TACC2: variants seen among roughly 807,000 people sequenced by gnomAD.
The protein encoded by TACC2 is transforming acidic coiled-coil-containing protein 2.
A neutral mutation model predicts 227.3 loss-of-function variants in TACC2; 137 were observed. The observed-to-expected ratio is 0.60, with a 90% CI of 0.52 to 0.69. The LOEUF (loss-of-function observed/expected upper bound fraction) is 0.69. Ranked by LOEUF, TACC2 falls within the 30% of genes least tolerant of loss-of-function variation. The probability of loss-of-function intolerance (pLI) is 0.00; values close to 1 mark genes in which losing one functional copy is unlikely to be tolerated. For synonymous variants in TACC2, 1,523 were observed against 1,487.5 expected (o/e 1.02, Z -0.55); for missense variants, 3,470 against 3,694.4 (o/e 0.94, Z 1.57).
Position 122,082,983 on chromosome 10 carries a change from T to C in TACC2, c.483T>C (p.Ser161=), listed in dbSNP as rs41288000. The part of the protein sequence containing the change: ...AAAFPAERDS[S]TPYQEIAAVP... Reference sequence around the variant, plus strand: ...CATTTCCCGCTGAGAGGGACAGCTCTACTCCATACCAAGAGATTGCTGCCG... The same window carrying C: ...CATTTCCCGCTGAGAGGGACAGCTCCACTCCATACCAAGAGATTGCTGCCG... Residue 161 remains serine, a synonymous_variant, in exon 4 of 23, where the codon TCT becomes TCC. Coordinates refer to ENST00000369005, the MANE Select transcript of TACC2 (RefSeq NM_206862.4). 6.2e-7 allele frequency: 1 copy of C among 1,612,860 alleles called. No individual in the cohort carries two copies. Among genetic ancestry groups the C allele is most frequent in the East Asian group, 2.2e-5 (1 of 44,856 alleles).
chr10:122,148,097 A>ATTTTTT (rs1172285538), intron 7 of TACC2, among the ~76,000 whole-genome samples: 3 of 131,444 alleles, frequency 2.3e-5, no homozygotes, highest in African/African-American at 5.9e-5. Context: ...CTGAGCCAGA[A>ATTTTTT]TTTTTTTTTT....
intron 7 of TACC2, among the ~76,000 whole-genome samples, chr10:122,146,774 C>T (rs2091430055): frequency 6.6e-6 from 1 of 152,126 alleles, no homozygotes; most frequent in South Asian, 2.1e-4. Flanking sequence ...AGTTGATTCA[C>T]GTTTTCTTAG....
chr10:122,047,561 T>G (rs2075168704), intron 2 of TACC2, among the ~76,000 whole-genome samples: 2 of 152,134 alleles, frequency 1.3e-5, no homozygotes, highest in African/African-American at 4.8e-5. Flanking sequence ...TTCTGCCTCC[T>G]TCAACACTGC....
intron 5 of TACC2, among the ~76,000 whole-genome samples, chr10:122,116,062 T>C (rs1173068108): frequency 6.6e-6 from 1 of 152,156 alleles, no homozygotes; most frequent in African/African-American, 2.4e-5. Context: ...ATAACCCCAG[T>C]AATCATGTTC....
At chr10:122,246,058 G>A (rs1440174290) in intron 19 of TACC2, among the ~76,000 whole-genome samples, 4 of 152,128 alleles carry the variant, frequency 2.6e-5, no homozygotes, top group Non-Finnish European at 5.9e-5. Context: ...GCAGAGGCAG[G>A]TGGGAAGGAT....
intron 3 of TACC2, among the ~76,000 whole-genome samples, chr10:122,053,416 A>T (rs1387602012): frequency 6.6e-6 from 1 of 151,868 alleles, no homozygotes; most frequent in Non-Finnish European, 1.5e-5. Flanking sequence ...GGAATTCAAG[A>T]TGAGATTTGG....
At chr10:122,094,298 A>G (rs1365500682) in intron 5 of TACC2, among the ~76,000 whole-genome samples, 1 of 152,042 alleles carries the variant, frequency 6.6e-6, no homozygotes, top group East Asian at 1.9e-4. Flanking sequence ...TATTTTAGAG[A>G]TAAGGTCTTG....
Position 122,083,371 on chromosome 10 carries a change from G to A in TACC2, c.871G>A (p.Gly291Ser), listed in dbSNP as rs1318414946. ...PAPRASDRER[G>S]QGEAPPQYLT... Reference sequence around the variant, plus strand: ...CCCAAGAGCCTCAGACAGAGAAAGAGGCCAAGGGGAGGCGCCGCCTCAGTA... The same window carrying A: ...CCCAAGAGCCTCAGACAGAGAAAGAAGCCAAGGGGAGGCGCCGCCTCAGTA... The change falls in exon 4 of 23, where the codon GGC becomes AGC. Residue 291 changes from glycine to serine, a missense_variant. Around this residue, in one of 10 missense-constraint regions of TACC2, gnomAD observed 405 missense variants for 389.6 expected, o/e 1.04. Coordinates refer to ENST00000369005, the MANE Select transcript of TACC2 (RefSeq NM_206862.4). 3 of 1,613,846 alleles carry A rather than the reference G, an allele frequency of 1.9e-6. No homozygotes were observed. The African/African-American group carries it at 4.0e-5, about 22-fold the overall frequency.
chr10:122,181,911 A>AG (rs2093983333), intron 7 of TACC2, among the ~76,000 whole-genome samples: 1 of 152,230 alleles, frequency 6.6e-6, no homozygotes, highest in South Asian at 2.1e-4. Context: ...GTTAGAAGAA[A>AG]GGAACAAAAG....
chr10:122,143,997 A>G (rs900072477), intron 7 of TACC2, among the ~76,000 whole-genome samples: 2 of 152,176 alleles, frequency 1.3e-5, no homozygotes, highest in Admixed American at 6.5e-5. Context: ...CTATATGTGT[A>G]TGTATTTATA....
At chr10:122,163,536 G>A (rs1328691492) in intron 7 of TACC2, 4 of 986,384 alleles carry the variant, frequency 4.1e-6, no homozygotes, top group South Asian at 9.4e-5. Context: ...AGATGCAGGC[G>A]TTGGGGCTGC....
In TACC2 at chr10:122,117,124, C is replaced by T. The variant is rs11200407; in HGVS notation, c.5574-15485C>T. 5.9e-5 allele frequency among the ~76,000 whole-genome samples: 9 copies of T among 152,128 alleles called. No individual in the cohort carries two copies. In the East Asian group the frequency reaches 1.7e-3, roughly 29 times the overall value. ...ATGCTCACAACATTAAATCAAGTCC[C>T]TCAAATCTCAGGGCCGCAGTTTCTC... On this transcript the variant is annotated intron_variant, in intron 5 of 22. Coordinates refer to ENST00000369005, the MANE Select transcript of TACC2 (RefSeq NM_206862.4).
intron 1 of TACC2, among the ~76,000 whole-genome samples, chr10:122,000,738 A>G (rs546168625): frequency 2.4e-4 from 36 of 152,126 alleles, no homozygotes; most frequent in Non-Finnish European, 1.2e-4. Flanking sequence ...TTATTATCCT[A>G]CTTTCCACTA....
chr10:122,070,165 T>G (rs2077876554), intron 3 of TACC2, among the ~76,000 whole-genome samples: 2 of 152,298 alleles, frequency 1.3e-5, no homozygotes, highest in African/African-American at 4.8e-5. Context: ...CTGAGACAGG[T>G]AACACCGGTA....
intron 5 of TACC2, among the ~76,000 whole-genome samples, chr10:122,108,342 T>C (rs1360453684): frequency 1.3e-5 from 2 of 152,090 alleles, no homozygotes; most frequent in Non-Finnish European, 2.9e-5. Context: ...CATTATTTTA[T>C]TCCTTTTTAT....
chr10:122,245,772 G>T (rs914608582), intron 19 of TACC2, among the ~76,000 whole-genome samples: 3 of 152,008 alleles, frequency 2.0e-5, no homozygotes, highest in Admixed American at 6.5e-5. Context: ...CTCCTTCTTG[G>T]GGGCTTTATA....
At chr10:122,220,292 C>T (rs1320241809) in intron 11 of TACC2, among the ~76,000 whole-genome samples, 1 of 151,948 alleles carries the variant, frequency 6.6e-6, no homozygotes, top group Admixed American at 6.5e-5. Flanking sequence ...TTGTTTTTTT[C>T]TGTAAAAATT....
At chr10:122,057,945 A>G (rs1565177598) in intron 3 of TACC2, among the ~76,000 whole-genome samples, 1 of 152,186 alleles carries the variant, frequency 6.6e-6, no homozygotes, top group Non-Finnish European at 1.5e-5. Context: ...TTCAACAGAA[A>G]CAAGCAAACC....
At chr10:122,103,225 A>G (rs114789956) in intron 5 of TACC2, among the ~76,000 whole-genome samples, 2,104 of 152,304 alleles carry the variant, frequency 0.014, 58 homozygotes, top group African/African-American at 0.049. Context: ...TCTAGAGTAT[A>G]TAAGAAATAA....
Sources: gnomAD v4.1 joint callset for allele counts (sites outside exome capture counted in the v4.1 genomes callset) on GRCh38, gnomAD v4.1.1 for gene constraint, gnomAD v4.1.1 regional missense constraint, MANE v1.5 for transcripts, NCBI Gene and HGNC (gene_info 2026-07-23, HGNC 2026-07-21) for gene names.